MACROD1: variants seen among roughly 807,000 people sequenced by gnomAD.
MACROD1 encodes ADP-ribose glycohydrolase MACROD1.
MACROD1 carries 31 observed loss-of-function variants against 41.4 expected under a neutral mutation model. The observed-to-expected ratio is 0.75, with a 90% confidence interval of 0.56 to 1.01. MACROD1 has a LOEUF of 1.01. Ranked by LOEUF, MACROD1 falls within the 50% of genes least tolerant of loss-of-function variation. The probability of loss-of-function intolerance (pLI) is 0.00; values close to 1 mark genes in which losing one functional copy is unlikely to be tolerated. For synonymous variants in MACROD1, 252 were observed against 203.4 expected (o/e 1.24, Z -2.03); for missense variants, 473 against 460.0 (o/e 1.03, Z -0.26).
At chr11:64,086,087 G>C (rs997722204) in intron 3 of MACROD1, among the ~76,000 whole-genome samples, 7 of 152,184 alleles carry the variant, frequency 4.6e-5, no homozygotes, top group Admixed American at 3.3e-4. Context: ...TGTGAGCTGA[G>C]TCGGCTGGGC....
chr11:64,117,478 C>A (rs369112014), intron 3 of MACROD1: 6 of 1,612,710 alleles, frequency 3.7e-6, no homozygotes, highest in Non-Finnish European at 5.1e-6. Flanking sequence ...TCTGCCACCA[C>A]GCCCCAGGGT....
At chr11:64,142,681 C>A (rs7939784) in intron 3 of MACROD1, among the ~76,000 whole-genome samples, 1 of 152,132 alleles carries the variant, frequency 6.6e-6, no homozygotes, top group Non-Finnish European at 1.5e-5. Context: ...CTTGCACTGG[C>A]GGAAATTAGC....
At chr11:64,038,724 C>T (rs997101920) in intron 3 of MACROD1, among the ~76,000 whole-genome samples, 24 of 152,152 alleles carry the variant, frequency 1.6e-4, no homozygotes, top group African/African-American at 5.8e-4. Context: ...GCTGTGCTGG[C>T]CCTTCTGCTC....
intron 3 of MACROD1, among the ~76,000 whole-genome samples, chr11:64,049,753 T>G (rs1943655611): frequency 6.6e-6 from 1 of 152,186 alleles, no homozygotes; most frequent in Non-Finnish European, 1.5e-5. Flanking sequence ...GGGGATCGGT[T>G]TCTCCATCTG....
intron 3 of MACROD1, among the ~76,000 whole-genome samples, chr11:64,094,271 A>C (rs1944538627): frequency 6.6e-6 from 1 of 152,178 alleles, no homozygotes; most frequent in African/African-American, 2.4e-5. Flanking sequence ...TCTACTAAAA[A>C]TACAAAAAAA....
intron 3 of MACROD1, among the ~76,000 whole-genome samples, chr11:64,132,064 T>C (rs1330239231): frequency 1.3e-5 from 2 of 152,162 alleles, no homozygotes; most frequent in African/African-American, 4.8e-5. Context: ...TCCCCTGCTC[T>C]GGAGAACTAT....
At chr11:64,110,110 G>C (rs1398482528) in intron 3 of MACROD1, among the ~76,000 whole-genome samples, 1 of 152,112 alleles carries the variant, frequency 6.6e-6, no homozygotes, top group Non-Finnish European at 1.5e-5. Flanking sequence ...CACATTTATA[G>C]ATGAGGAAAT....
rs1221269897 is a variant in MACROD1 at position 64,148,928 on chromosome 11, C to T, written c.517+2311G>A. Reference sequence around the variant, plus strand: ...CGCTGGGGTTCCACAAAGCCCTGGACGGCTGAAAGGAGACTCGGGCTCTGT... The same window carrying T: ...CGCTGGGGTTCCACAAAGCCCTGGATGGCTGAAAGGAGACTCGGGCTCTGT... On this transcript the variant is annotated intron_variant, in intron 3 of 10. Coordinates refer to ENST00000255681, the MANE Select transcript of MACROD1 (RefSeq NM_014067.4). 24 of 985,244 alleles carry T rather than the reference C, an allele frequency of 2.4e-5. No homozygotes were observed. In the African/African-American group the frequency reaches 2.6e-4, roughly 11 times the overall value. 61.0% of individuals were successfully genotyped at this position (985,244 alleles called of 1,614,324 possible).
At chr11:64,077,312 G>A (rs1039412878) in intron 3 of MACROD1, among the ~76,000 whole-genome samples, 1 of 152,200 alleles carries the variant, frequency 6.6e-6, no homozygotes, top group Admixed American at 6.5e-5. Context: ...GGTCAGGGAG[G>A]CCAGCACCAT....
At chr11:64,139,772 C>T (rs756437739) in intron 3 of MACROD1, among the ~76,000 whole-genome samples, 59 of 151,860 alleles carry the variant, frequency 3.9e-4, no homozygotes, top group Non-Finnish European at 6.8e-4. Context: ...CTGGCTAACA[C>T]GGTGAAACCC....
chr11:64,027,108 T>TAC (rs769547537), intron 3 of MACROD1, among the ~76,000 whole-genome samples: 7 of 152,232 alleles, frequency 4.6e-5, no homozygotes, highest in Non-Finnish European at 8.8e-5. Flanking sequence ...CTCTTATGAC[T>TAC]ACTCATTCAT....
At position 64,090,736 on chromosome 11, in the gene MACROD1, C is replaced by T. The variant is rs1944474710; in HGVS notation, c.517+60503G>A. 6.6e-6 allele frequency among the ~76,000 whole-genome samples: 1 copy of T among 152,020 alleles called. No homozygotes were observed. Among genetic ancestry groups the T allele is most frequent in the South Asian group, 2.1e-4 (1 of 4,824 alleles). On this transcript the variant is annotated intron_variant, in intron 3 of 10. Transcript: ENST00000255681. The surrounding 1 kb of genome is among the most constrained non-coding windows in gnomAD (Gnocchi z 4.7). ...GGGCAGGGGTGGCAGCGTCTCTCCA[C>T]CACATCCCAAGACTAAAAGGGGGGC...
At chr11:64,060,502 C>A (rs892075587) in intron 3 of MACROD1, 2 of 152,190 alleles carry the variant, frequency 1.3e-5, no homozygotes, top group Non-Finnish European at 2.9e-5. Flanking sequence ...AGATGCCTGG[C>A]GGCTCCGAGG....
At chr11:64,104,235 G>A (rs1944719568) in intron 3 of MACROD1, 1 of 152,406 alleles carries the variant, frequency 6.6e-6, no homozygotes, top group African/African-American at 2.4e-5. Flanking sequence ...GCTCCAGGGT[G>A]GGCCCAGGGT....
At chr11:64,115,371 A>T (rs1944958020) in intron 3 of MACROD1, among the ~76,000 whole-genome samples, 1 of 152,194 alleles carries the variant, frequency 6.6e-6, no homozygotes, top group Non-Finnish European at 1.5e-5. Flanking sequence ...AAGTGCAAGA[A>T]AACAGACCAC....
intron 3 of MACROD1, among the ~76,000 whole-genome samples, chr11:64,075,666 T>C (rs1944186906): frequency 6.6e-6 from 1 of 152,238 alleles, no homozygotes. Context: ...AATCTGGCCC[T>C]GGCTGCTGCT....
chr11:64,092,922 A>G (rs1944515028), intron 3 of MACROD1, among the ~76,000 whole-genome samples: 1 of 152,248 alleles, frequency 6.6e-6, no homozygotes, highest in Non-Finnish European at 1.5e-5. Context: ...AGGACTTCTC[A>G]GATCCTTTAA....
intron 3 of MACROD1, among the ~76,000 whole-genome samples, chr11:64,048,684 G>A (rs994162293): frequency 2.2e-5 from 3 of 137,412 alleles, no homozygotes; most frequent in African/African-American, 1.0e-4. Flanking sequence ...CAAAGTGCCT[G>A]CAGTTTTTGC....
intron 3 of MACROD1, among the ~76,000 whole-genome samples, chr11:64,140,851 A>T (rs1945402843): frequency 6.6e-6 from 1 of 152,214 alleles, no homozygotes. Flanking sequence ...GATGTCCCAT[A>T]TGGCCAGGCA....
Sources: allele counts gnomAD v4.1 joint callset (sites outside exome capture counted in the v4.1 genomes callset), GRCh38; gene constraint gnomAD v4.1.1; non-coding constraint Gnocchi (gnomAD v3.1); transcripts MANE v1.5; gene names NCBI Gene and HGNC (gene_info 2026-07-23, HGNC 2026-07-21).